AVL9: variants seen among roughly 807,000 people sequenced by gnomAD.
AVL9 encodes late secretory pathway protein AVL9 homolog.
A neutral mutation model predicts 79.2 loss-of-function variants in AVL9; 49 were observed. That is an observed-to-expected ratio of 0.62 (90% CI 0.49 to 0.79). The LOEUF (loss-of-function observed/expected upper bound fraction) is 0.79, where lower values mean the gene tolerates loss of function less well. Ranked by LOEUF, AVL9 falls within the 30% of genes least tolerant of loss-of-function variation. The pLI, the probability that AVL9 is intolerant of heterozygous loss-of-function variation, is 0.00. For missense variants in AVL9, 682 were observed against 776.8 expected (o/e 0.88, Z 1.45); for synonymous variants, 299 against 280.6 (o/e 1.07, Z -0.65).
At chr7:32,502,606 G>A (rs957194125) in intron 1 of AVL9, among the ~76,000 whole-genome samples, 1 of 152,002 alleles carries the variant, frequency 6.6e-6, no homozygotes, top group Non-Finnish European at 1.5e-5. Context: ...TCACTATTTT[G>A]AATAGCGCTG....
In AVL9 at chr7:32,550,239, A is replaced by T. The variant is rs567823703; in HGVS notation, c.373-1095A>T. Among the ~76,000 whole-genome samples, 11 of 152,300 alleles carry T rather than the reference A, an allele frequency of 7.2e-5. No homozygotes were observed. In the South Asian group the frequency reaches 2.1e-3, roughly 29 times the overall value. On this transcript the variant is annotated intron_variant, in intron 4 of 15. Transcript: ENST00000318709. ...TAATTCTGTACCAGACACTTTTTAT[A>T]TGTAATTGTCATTTCCATCCTTATA...
chr7:32,520,937 T>G (rs987185971), intron 1 of AVL9, among the ~76,000 whole-genome samples: 1 of 152,170 alleles, frequency 6.6e-6, no homozygotes, highest in Non-Finnish European at 1.5e-5. Flanking sequence ...TCCCATGCTA[T>G]TCTCGTGATA....
chr7:32,523,548 C>T (rs1286305550), intron 1 of AVL9, among the ~76,000 whole-genome samples: 2 of 120,132 alleles, frequency 1.7e-5, no homozygotes, highest in African/African-American at 6.4e-5. Context: ...TGGAATCTCG[C>T]TCCATCTCCC....
Position 32,588,524 on chromosome 7 carries a change from CAT to C in AVL9, c.*4618_*4619del, listed in dbSNP as rs1791893735. The C allele has an allele frequency of 6.6e-6, 1 of 152,118 alleles. No homozygotes were observed. Among genetic ancestry groups the C allele is most frequent in the Non-Finnish European group, 1.5e-5 (1 of 68,034 alleles). The allele number at this position is 152,118 out of a possible 1,614,324, so 9.4% of individuals were successfully genotyped here. ...TTTCTAAGGAAGTTTAACTGTGGCACATGTTTTGATCAGAAAGGTAGTTCTCT... is the reference window on the plus strand; with the variant it reads ...TTTCTAAGGAAGTTTAACTGTGGCACGTTTTGATCAGAAAGGTAGTTCTCT... On this transcript the variant is annotated 3_prime_UTR_variant, in exon 16 of 16. Coordinates refer to ENST00000318709, the MANE Select transcript of AVL9 (RefSeq NM_015060.3).
intron 10 of AVL9, among the ~76,000 whole-genome samples, chr7:32,560,480 C>T (rs193048938): frequency 2.0e-5 from 3 of 152,136 alleles, no homozygotes; most frequent in Non-Finnish European, 4.4e-5. Context: ...GCTCCTCATC[C>T]GTTCAAGTTT....
intron 1 of AVL9, among the ~76,000 whole-genome samples, chr7:32,508,739 T>C (rs1787523527): frequency 6.6e-6 from 1 of 152,226 alleles, no homozygotes; most frequent in Non-Finnish European, 1.5e-5. Context: ...ATAAAGACAG[T>C]CCTATCTTCA....
chr7:32,580,665 AG>A, intron 14 of AVL9, 136 bp from the exon 15 acceptor site: 1 of 614,206 alleles, frequency 1.6e-6, no homozygotes, highest in Non-Finnish European at 2.9e-6. Flanking sequence ...ATAATAATTT[AG>A]CTTCTTTTCT....
chr7:32,580,705 A>C, intron 14 of AVL9, 97 bp from the exon 15 acceptor site: 1 of 713,134 alleles, frequency 1.4e-6, no homozygotes, highest in Non-Finnish European at 2.4e-6. Flanking sequence ...ATGGTTACAG[A>C]GTGACTATTG....
At position 32,548,836 on chromosome 7, in the gene AVL9, G is replaced by T; in HGVS notation, c.301-11G>T. On this transcript the variant is annotated splice_polypyrimidine_tract_variant and intron_variant, in intron 3 of 15. Transcript: ENST00000318709. ...AAATATTTCTGATAAATTGCTCTTT[G>T]TTCATAATAGGCACTGAAAGTAAGG... The T allele has an allele frequency of 1.9e-6, 3 of 1,539,546 alleles. No individual in the cohort carries two copies. The highest frequency in any genetic ancestry group is 1.7e-6 in the Non-Finnish European group (2 of 1,146,010).
At chr7:32,524,590 T>TAGATATAATTATATCTAAACTAGATA (rs150041193) in intron 1 of AVL9, among the ~76,000 whole-genome samples, 1 of 151,618 alleles carries the variant, frequency 6.6e-6, no homozygotes. Flanking sequence ...TATATCTAAC[T>TAGATATAATTATATCTAAACTAGATA]GAGGGATGTT....
chr7:32,566,710 C>T (rs1159777115), intron 10 of AVL9, among the ~76,000 whole-genome samples: 2 of 125,224 alleles, frequency 1.6e-5, no homozygotes, highest in East Asian at 5.3e-4. Context: ...AACCCCATCT[C>T]TACTAAAAAT....
At chr7:32,583,277 A>G (rs1791597441) in intron 15 of AVL9, among the ~76,000 whole-genome samples, 1 of 152,250 alleles carries the variant, frequency 6.6e-6, no homozygotes, top group Non-Finnish European at 1.5e-5. Context: ...TGCTGAGGCA[A>G]GTAGGTGCCT....
chr7:32,554,423 G>T, intron 7 of AVL9, 135 bp from the exon 8 acceptor site: 2 of 443,596 alleles, frequency 4.5e-6, no homozygotes, highest in African/African-American at 2.0e-5. Context: ...CTCAGTATAA[G>T]TTCATAATTT....
chr7:32,579,519 A>ATAATATAT (rs1791347213), intron 13 of AVL9, among the ~76,000 whole-genome samples: 1 of 3,590 alleles, frequency 2.8e-4, no homozygotes, highest in African/African-American at 1.4e-3. Context: ...ATATTATATT[A>ATAATATAT]TATATTATAT....
chr7:32,559,101 C>T lies in AVL9; in HGVS notation c.852C>T (p.Asn284=). Residue 284 remains asparagine, a synonymous_variant, in exon 10 of 16, where the codon AAC becomes AAT. Transcript: ENST00000318709. ...LGTIRKVMAG[N]HGEDAAMKTE... ...CTATCAGGAAAGTCATGGCAGGAAACCATGGAGAAGATGCTGCCATGAAGA... is the reference window on the plus strand; with the variant it reads ...CTATCAGGAAAGTCATGGCAGGAAATCATGGAGAAGATGCTGCCATGAAGA... 1 of 1,613,854 alleles carries T rather than the reference C, an allele frequency of 6.2e-7. No homozygotes were observed. The highest frequency in any genetic ancestry group is 8.5e-7 in the Non-Finnish European group (1 of 1,179,912).
In AVL9 at chr7:32,548,840, A is replaced by T. The variant is rs777532534; in HGVS notation, c.301-7A>T. The T allele has an allele frequency of 1.3e-6, 2 of 1,551,146 alleles. No homozygotes were observed. Among genetic ancestry groups the T allele is most frequent in the Non-Finnish European group, 1.7e-6 (2 of 1,152,256 alleles). On this transcript the variant is annotated splice_polypyrimidine_tract_variant and splice_region_variant and intron_variant, in intron 3 of 15. Transcript: ENST00000318709. ...ATTTCTGATAAATTGCTCTTTGTTC[A>T]TAATAGGCACTGAAAGTAAGGCAAG... is the stretch of plus-strand genomic sequence containing the variant.
In AVL9 at chr7:32,588,390, A is replaced by G. The variant is rs992930892; in HGVS notation, c.*4483A>G. The G allele has an allele frequency of 8.5e-5, 13 of 152,218 alleles. No individual in the cohort carries two copies. Among genetic ancestry groups the G allele is most frequent in the African/African-American group, 3.1e-4 (13 of 41,446 alleles). 9.4% of individuals were successfully genotyped at this position (152,218 alleles called of 1,614,324 possible). A position where few individuals can be genotyped will look rare whatever the true frequency, so the allele number is the denominator to read the frequency against. ...CCTGAATTTAGAAAACATTGGATTA[A>G]TGAGTTGGTGAAGGCATTTAGTGGT... On this transcript the variant is annotated 3_prime_UTR_variant, in exon 16 of 16. Transcript: ENST00000318709.
intron 14 of AVL9, 73 bp from the exon 15 acceptor site, chr7:32,580,729 A>T: frequency 1.0e-6 from 1 of 963,242 alleles, no homozygotes; most frequent in Non-Finnish European, 1.6e-6. Context: ...GTGTGTCTAT[A>T]TGTGTCTGTG....
chr7:32,536,028 C>T (rs1788890131), intron 1 of AVL9: 1 of 152,178 alleles, frequency 6.6e-6, no homozygotes, highest in Non-Finnish European at 1.5e-5. Context: ...GGTTTCCTCC[C>T]TAGCATTACA....
Sources: allele counts gnomAD v4.1 joint callset (sites outside exome capture counted in the v4.1 genomes callset), GRCh38; gene constraint gnomAD v4.1.1; transcripts MANE v1.5; gene names NCBI Gene and HGNC (gene_info 2026-07-23, HGNC 2026-07-21).